The following AARS1 variants were observed in gnomAD, a reference collection of about 807,000 sequenced individuals.
AARS1 encodes the protein alanine--tRNA ligase, cytoplasmic.
In AARS1, 72 loss-of-function variants were observed where a neutral mutation model predicts 108.9. The observed-to-expected ratio is 0.66, with a 90% CI of 0.55 to 0.80. The LOEUF (loss-of-function observed/expected upper bound fraction) is 0.80, where lower values mean the gene tolerates loss of function less well. AARS1 is among the 30% of genes least tolerant of loss of function. AARS1 has a pLI of 0.00. For missense variants in AARS1, 1,193 were observed against 1,233.2 expected, an observed-to-expected ratio of 0.97 and a Z score of 0.49; for synonymous variants, 489 against 465.7, an observed-to-expected ratio of 1.05 and a Z score of -0.64.
rs570436121 is a variant in AARS1 at position 70,262,047 on chromosome 16, G to C, written c.1671+299C>G. On this transcript the variant is annotated intron_variant, in intron 12 of 20. Coordinates refer to ENST00000261772, the MANE Select transcript of AARS1 (RefSeq NM_001605.3). The stretch of plus-strand genomic sequence containing the variant: ...AAGTAACTCATTCAGCAGCGGCAGA[G>C]CTCGAGGCTGAGTTTTCTACAAGGA... Among the ~76,000 whole-genome samples, 3 of 152,304 alleles carry C rather than the reference G, an allele frequency of 2.0e-5. No homozygotes were observed. The South Asian group carries it at 6.2e-4, about 32-fold the overall frequency.
chr16:70,272,001 T>TACAGCCCCTG, intron 4 of AARS1, 29 bp from the exon 5 acceptor site: 1 of 1,605,926 alleles, frequency 6.2e-7, no homozygotes, highest in East Asian at 2.2e-5. Context: ...TAAGTCCAGT[T>TACAGCCCCTG]ACAGCCCCTG....
Position 70,263,300 on chromosome 16 carries a change from G to A in AARS1, c.1493-776C>T, listed in dbSNP as rs377067884. Among the ~76,000 whole-genome samples, 34 of 152,212 alleles carry A rather than the reference G, an allele frequency of 2.2e-4. 1 individual carries two copies. The highest frequency in any genetic ancestry group is 7.0e-4 in the African/African-American group (29 of 41,544). On this transcript the variant is annotated intron_variant, in intron 11 of 20. Coordinates refer to ENST00000261772, the MANE Select transcript of AARS1 (RefSeq NM_001605.3). ...TGTAAGATTGTTCTCAGCCGGGCAC[G>A]GTGGCTCACACCTGTCATCCTGGCA...
chr16:70,264,608 C>T (rs1311559884), intron 11 of AARS1, among the ~76,000 whole-genome samples: 2 of 152,104 alleles, frequency 1.3e-5, no homozygotes, highest in East Asian at 1.9e-4. Flanking sequence ...TGAGGCACAG[C>T]GCCAGGCCCC....
rs940541854 is a variant in AARS1 at position 70,276,802 on chromosome 16, T to C, written c.333+164A>G. ...AATATATACTGAAATCACCAAATTA[T>C]AGGTACTACTTCCAGGAAGTCTTAG... On this transcript the variant is annotated intron_variant, in intron 3 of 20. Coordinates refer to ENST00000261772, the MANE Select transcript of AARS1 (RefSeq NM_001605.3). 9.2e-5 allele frequency among the ~76,000 whole-genome samples: 14 copies of C among 152,330 alleles called. 1 individual carries two copies. Among genetic ancestry groups the C allele is most frequent in the Admixed American group, 2.0e-4 (3 of 15,296 alleles).
chr16:70,257,150 G>A (rs1053070961), intron 15 of AARS1, among the ~76,000 whole-genome samples: 45 of 152,090 alleles, frequency 3.0e-4, no homozygotes, highest in African/African-American at 9.9e-4. Context: ...TCAGGAGGCT[G>A]AGGCAGGAGA....
chr16:70,279,574 C>T (rs1960641536), intron 2 of AARS1, among the ~76,000 whole-genome samples: 1 of 149,592 alleles, frequency 6.7e-6, no homozygotes, highest in Non-Finnish European at 1.5e-5. Flanking sequence ...GCAGGAGAAT[C>T]GCTTGAATCC....
At chr16:70,289,262 G>C (rs1252176133) in intron 1 of AARS1, among the ~76,000 whole-genome samples, 159 bp downstream of exon 1, 1 of 152,062 alleles carries the variant, frequency 6.6e-6, no homozygotes, top group Non-Finnish European at 1.5e-5. Flanking sequence ...GGGGGCGAAC[G>C]CAAGGCCACA....
At position 70,253,360 on chromosome 16, in the gene AARS1, G is replaced by C. The variant is rs1959893208; in HGVS notation, c.2629C>G (p.Leu877Val). The change falls in exon 20 of 21, where the codon CTC becomes GTC. Residue 877 changes from leucine to valine, a missense_variant. Coordinates refer to ENST00000261772, the MANE Select transcript of AARS1 (RefSeq NM_001605.3). ...GTCTGAGGGGAGTGCATCTTGAAGAGCTTCAAGGCTTCATTCAGGGCCTGT... is the reference window on the plus strand; with the variant it reads ...GTCTGAGGGGAGTGCATCTTGAAGACCTTCAAGGCTTCATTCAGGGCCTGT... ...SAKALNEALK[L>V]FKMHSPQTSA... 4.3e-6 allele frequency: 7 copies of C among 1,613,810 alleles called. No individual in the cohort carries two copies. Among genetic ancestry groups the C allele is most frequent in the Non-Finnish European group, 4.2e-6 (5 of 1,179,798 alleles).
At chr16:70,285,185 C>A (rs1208224859) in intron 1 of AARS1, among the ~76,000 whole-genome samples, 3 of 150,474 alleles carry the variant, frequency 2.0e-5, no homozygotes, top group Non-Finnish European at 3.0e-5. Context: ...GCCGAAATTG[C>A]GCCACTGCAC....
rs56394253 is a variant in AARS1 at position 70,269,322 on chromosome 16, GAAAAAAAAAAAAAAAAAAAAA to G, written c.962+275_962+295del. Among the ~76,000 whole-genome samples, 65 of 64,268 alleles carry G rather than the reference GAAAAAAAAAAAAAAAAAAAAA, an allele frequency of 1.0e-3. No homozygotes were observed. In the South Asian group the frequency reaches 0.011, roughly 11 times the overall value. 42.2% of individuals were successfully genotyped at this position (64,268 alleles called of 152,430 possible). On this transcript the variant is annotated intron_variant, in intron 7 of 20. Coordinates refer to ENST00000261772, the MANE Select transcript of AARS1 (RefSeq NM_001605.3). ...GCAACAAAAGCAAAATTCTGTCTCA[GAAAAAAAAAAAAAAAAAAAAA>G]AAAAAAAAAAAAAAAAACAACCGTC...
intron 12 of AARS1, among the ~76,000 whole-genome samples, chr16:70,261,807 T>C (rs1325479161): frequency 6.6e-6 from 1 of 151,530 alleles, no homozygotes; most frequent in Non-Finnish European, 1.5e-5. Flanking sequence ...GCAGGTGGGA[T>C]TACAGGCATC....
In AARS1 at chr16:70,267,790, A is replaced by G. The variant is rs2152160262; in HGVS notation, c.1091T>C (p.Leu364Pro). The change falls in exon 9 of 21, where the codon CTG (leucine) becomes CCG (proline). Residue 364 changes from leucine (L) to proline (P), a missense_variant. Physicochemically the swap from Leu to Pro is moderately conservative, Grantham distance 98. Coordinates refer to ENST00000261772, the MANE Select transcript of AARS1 (RefSeq NM_001605.3). ...CTTCACCATGTCTGGGTCCTTCTTC[A>G]GCTCAGGAAATGCATCTCCCTGACA... Reference protein sequence around the residue: ...VQSLGDAFPELKKDPDMVKDI... With the variant: ...VQSLGDAFPEPKKDPDMVKDI... The G allele has an allele frequency of 6.2e-7, 1 of 1,614,180 alleles. No homozygotes were observed. Among genetic ancestry groups the G allele is most frequent in the Non-Finnish European group, 8.5e-7 (1 of 1,180,032 alleles).
intron 15 of AARS1, among the ~76,000 whole-genome samples, chr16:70,256,800 G>C (rs74732192): frequency 6.6e-6 from 1 of 151,976 alleles, no homozygotes; most frequent in Non-Finnish European, 1.5e-5. Context: ...GACCCTGGAG[G>C]GTCTCAACCA....
chr16:70,272,953 G>T (rs1960445880), intron 4 of AARS1, among the ~76,000 whole-genome samples: 1 of 146,672 alleles, frequency 6.8e-6, no homozygotes, highest in South Asian at 2.1e-4. Context: ...TCTTTTAAAA[G>T]CTACACTTTT....
At chr16:70,288,080 G>C (rs936016346) in intron 1 of AARS1, among the ~76,000 whole-genome samples, 24 of 132,106 alleles carry the variant, frequency 1.8e-4, no homozygotes, top group Admixed American at 6.3e-4. Context: ...ACTTATTTAA[G>C]ACAGCCTTCC....
chr16:70,288,899 T>G (rs1960948690), intron 1 of AARS1, among the ~76,000 whole-genome samples: 1 of 152,120 alleles, frequency 6.6e-6, no homozygotes, highest in African/African-American at 2.4e-5. Context: ...CAGCATCTAG[T>G]ACAGTGGCTG....
chr16:70,252,468 C>T lies in AARS1; in HGVS notation c.*253G>A. On this transcript the variant is annotated 3_prime_UTR_variant, in exon 21 of 21. Transcript: ENST00000261772. Reference sequence around the variant, plus strand: ...CGCGGAAAGCTCAGGTCTGGAGAGCCGTTATCTATAGATGCGAGCGTGACG... The same window carrying T: ...CGCGGAAAGCTCAGGTCTGGAGAGCTGTTATCTATAGATGCGAGCGTGACG... The T allele has an allele frequency of 1.8e-6, 1 of 554,986 alleles. No homozygotes were observed. The allele number at this position is 554,986 out of a possible 1,614,324, so 34.4% of individuals were successfully genotyped here. A position where few individuals can be genotyped will look rare whatever the true frequency, so the allele number is the denominator to read the frequency against.
chr16:70,253,055 G>A (rs1959881568), intron 20 of AARS1, 149 bp from the exon 21 acceptor site: 9 of 1,005,926 alleles, frequency 8.9e-6, no homozygotes, highest in Non-Finnish European at 1.4e-5. Context: ...CTGGTACAGG[G>A]GGCGGCCATG....
At chr16:70,253,136 G>C (rs781710608) in intron 20 of AARS1, 132 bp downstream of exon 20, 139 of 892,656 alleles carry the variant, frequency 1.6e-4, no homozygotes, top group Non-Finnish European at 2.1e-4. Flanking sequence ...AAGAAGGCCT[G>C]GGTAAGGGGT....
Sources: allele counts gnomAD v4.1 joint callset (sites outside exome capture counted in the v4.1 genomes callset), GRCh38; gene constraint gnomAD v4.1.1; transcripts MANE v1.5; gene names NCBI Gene and HGNC (gene_info 2026-07-23, HGNC 2026-07-21).